The following PYROXD1 variants were observed in gnomAD, a reference collection of about 807,000 sequenced individuals.
PYROXD1 encodes the protein pyridine nucleotide-disulphide oxidoreductase domain 1.
In PYROXD1, 42 loss-of-function variants were observed where a neutral mutation model predicts 62.0. The ratio of observed to expected loss-of-function variants is 0.68; its 90% CI spans 0.53 to 0.88. The LOEUF (loss-of-function observed/expected upper bound fraction) is 0.88, where lower values mean the gene tolerates loss of function less well. Among genes scored for constraint, PYROXD1 ranks in the 40% least tolerant of loss-of-function variants. PYROXD1 has a pLI of 0.00. For missense variants in PYROXD1, 493 were observed against 604.8 expected (o/e 0.82, Z 1.94); for synonymous variants, 170 against 206.4 (o/e 0.82, Z 1.51).
At chr12:21,449,271 T>G (rs1942447268) in intron 3 of PYROXD1, among the ~76,000 whole-genome samples, 1 of 152,198 alleles carries the variant, frequency 6.6e-6, no homozygotes, top group African/African-American at 2.4e-5. Context: ...TCCCTGAAGT[T>G]TAATACAAAA....
chr12:21,441,921 T>G (rs2137241005), intron 2 of PYROXD1, among the ~76,000 whole-genome samples: 1 of 152,346 alleles, frequency 6.6e-6, no homozygotes, highest in East Asian at 1.9e-4. Flanking sequence ...CTAGATGGGA[T>G]GTAGCAGTTC....
intron 3 of PYROXD1, among the ~76,000 whole-genome samples, chr12:21,449,282 CT>C (rs1369482662): frequency 6.6e-6 from 1 of 152,104 alleles, no homozygotes; most frequent in African/African-American, 2.4e-5. Context: ...TAATACAAAA[CT>C]TTGTGTGAAT....
Position 21,470,479 on chromosome 12 carries a change from T to C in PYROXD1, c.*1725T>C, listed in dbSNP as rs2137308271. On this transcript the variant is annotated 3_prime_UTR_variant, in exon 12 of 12. Transcript: ENST00000240651. Reference sequence around the variant, plus strand: ...TTTTAAGTATACAGGGGTCTAGTTTTTTATCTACAAATTTCTATTCAAATA... The same window carrying C: ...TTTTAAGTATACAGGGGTCTAGTTTCTTATCTACAAATTTCTATTCAAATA... The C allele has an allele frequency of 9.6e-7, 1 of 1,043,244 alleles. No homozygotes were observed. The highest frequency in any genetic ancestry group is 2.8e-5 in the East Asian group (1 of 35,674). The allele number at this position is 1,043,244 out of a possible 1,614,324, so 64.6% of individuals were successfully genotyped here.
intron 7 of PYROXD1, among the ~76,000 whole-genome samples, chr12:21,458,789 A>G (rs1459950747): frequency 6.6e-6 from 1 of 152,212 alleles, no homozygotes; most frequent in African/African-American, 2.4e-5. Flanking sequence ...GGTGTGGTTC[A>G]TGACACCCCA....
At chr12:21,449,463 A>G (rs1942451440) in intron 3 of PYROXD1, 100 bp from the exon 4 acceptor site, 1 of 1,123,674 alleles carries the variant, frequency 8.9e-7, no homozygotes, top group Non-Finnish European at 1.3e-6. Context: ...TTAATATATT[A>G]TGTTTTGCTT....
chr12:21,459,628 A>T (rs1372842206), intron 7 of PYROXD1, among the ~76,000 whole-genome samples: 2 of 152,182 alleles, frequency 1.3e-5, no homozygotes, highest in Non-Finnish European at 2.9e-5. Context: ...TGTGAGATTG[A>T]TCCCTCAACA....
At chr12:21,456,323 G>T (rs1942596429) in intron 7 of PYROXD1, among the ~76,000 whole-genome samples, 1 of 152,058 alleles carries the variant, frequency 6.6e-6, no homozygotes, top group African/African-American at 2.4e-5. Context: ...TAACTCTTGA[G>T]GTGTGATACT....
intron 4 of PYROXD1, among the ~76,000 whole-genome samples, chr12:21,450,511 A>G (rs554933331): frequency 2.6e-5 from 4 of 152,272 alleles, no homozygotes; most frequent in African/African-American, 9.6e-5. Flanking sequence ...AAGGTGAAAC[A>G]TCTGTTTTTG....
At chr12:21,456,614 C>T (rs949476719) in intron 7 of PYROXD1, among the ~76,000 whole-genome samples, 21 of 152,088 alleles carry the variant, frequency 1.4e-4, no homozygotes, top group African/African-American at 4.8e-4. Context: ...GAAAGTTTTG[C>T]CTCGGTATTG....
intron 7 of PYROXD1, among the ~76,000 whole-genome samples, chr12:21,458,696 G>A (rs12423151): frequency 0.49 from 74,825 of 151,932 alleles, 18,492 homozygotes; most frequent in Middle Eastern, 0.59. Flanking sequence ...GGCCCAAGGA[G>A]AGGGAGAGAC....
rs765051702 is a variant in PYROXD1, at chr12:21,437,686, GT to G, written c.-43del. The stretch of plus-strand genomic sequence containing the variant: ...TTCCTCTCCTGGAGTCCAGAGTCCC[GT>G]TGCTCCGCCGCGATATTCAGTAAAC... On this transcript the variant is annotated 5_prime_UTR_variant, in exon 1 of 12. Transcript: ENST00000240651. The G allele has an allele frequency of 2.2e-5, 34 of 1,574,242 alleles. No homozygotes were observed. Among genetic ancestry groups the G allele is most frequent in the Non-Finnish European group, 2.9e-5 (34 of 1,157,630 alleles).
At chr12:21,446,265 T>C (rs762896287) in intron 3 of PYROXD1, among the ~76,000 whole-genome samples, 3 of 151,916 alleles carry the variant, frequency 2.0e-5, no homozygotes, top group Admixed American at 6.5e-5. Flanking sequence ...CTACTAAAAA[T>C]ACAAAAAATT....
chr12:21,442,179 G>A (rs1942307658), intron 2 of PYROXD1, among the ~76,000 whole-genome samples: 1 of 152,202 alleles, frequency 6.6e-6, no homozygotes, highest in African/African-American at 2.4e-5. Context: ...TGGCAGCAGC[G>A]CTGGTGTCTG....
At chr12:21,455,773 G>C (rs1942584923) in intron 6 of PYROXD1, among the ~76,000 whole-genome samples, 1 of 151,918 alleles carries the variant, frequency 6.6e-6, no homozygotes, top group Admixed American at 6.6e-5. Context: ...AACGTAAGTT[G>C]AGTGTGTTTA....
intron 6 of PYROXD1, 81 bp downstream of exon 6, chr12:21,455,373 TAAAA>T: frequency 1.2e-6 from 1 of 864,356 alleles, no homozygotes; most frequent in Non-Finnish European, 1.6e-6. Context: ...GAAAATTTAA[TAAAA>T]TAAATTTTGG....
intron 2 of PYROXD1, among the ~76,000 whole-genome samples, chr12:21,445,092 T>A (rs1438213890): frequency 6.6e-6 from 1 of 152,212 alleles, no homozygotes; most frequent in Non-Finnish European, 1.5e-5. Flanking sequence ...CCCCTCATTT[T>A]ACAGGTCAGC....
Position 21,445,433 on chromosome 12 carries a change from A to G in PYROXD1, c.252A>G (p.Glu84=). 6.2e-7 allele frequency: 1 copy of G among 1,606,406 alleles called. No homozygotes were observed. Among genetic ancestry groups the G allele is most frequent in the East Asian group, 2.2e-5 (1 of 44,710 alleles). The change falls in exon 3 of 12, where the codon GAA becomes GAG. Residue 84 remains glutamate (E), a synonymous_variant. Coordinates refer to ENST00000240651, the MANE Select transcript of PYROXD1 (RefSeq NM_024854.5). ...GCTTTCCCAACATTAAGGTTATAGAATCTGGCGTAAAGCAACTGAAGAGTG... is the reference window on the plus strand; with the variant it reads ...GCTTTCCCAACATTAAGGTTATAGAGTCTGGCGTAAAGCAACTGAAGAGTG... ...GKRFPNIKVI[E]SGVKQLKSEE... is the part of the protein sequence containing the mutation.
chr12:21,460,211 C>A (rs1458843513), intron 7 of PYROXD1, among the ~76,000 whole-genome samples: 3 of 139,280 alleles, frequency 2.2e-5, no homozygotes, highest in Non-Finnish European at 4.7e-5. Context: ...AAAGTCCCTT[C>A]TTCTTGCACC....
Position 21,456,062 on chromosome 12 carries a change from G to T in PYROXD1, c.717G>T (p.Trp239Cys). Reference sequence around the variant, plus strand: ...TAGGAAGTGCATTGGGACCAGATTGGCATGAAGGCTTGAATCTTAAAGGAA... The same window carrying T: ...TAGGAAGTGCATTGGGACCAGATTGTCATGAAGGCTTGAATCTTAAAGGAA... ...DNVGSALGPD[W>C]HEGLNLKGTK... is the part of the protein sequence containing the mutation. The change falls in exon 7 of 12, where the codon TGG becomes TGT. Residue 239 changes from tryptophan (W) to cysteine (C), a missense_variant. Trp to Cys is a radical substitution (Grantham distance 215, BLOSUM62 -2). This residue lies in a region of PYROXD1 where 329 missense variants were observed against 446.6 expected (regional missense o/e 0.74). Coordinates refer to ENST00000240651, the MANE Select transcript of PYROXD1 (RefSeq NM_024854.5). The T allele has an allele frequency of 6.2e-7, 1 of 1,610,590 alleles. No individual in the cohort carries two copies.
Sources: allele counts gnomAD v4.1 joint callset (sites outside exome capture counted in the v4.1 genomes callset), GRCh38; gene constraint gnomAD v4.1.1; regional missense constraint gnomAD v4.1.1; transcripts MANE v1.5; gene names NCBI Gene and HGNC (gene_info 2026-07-23, HGNC 2026-07-21).